Variants in CACNA1S observed in about 807,000 individuals in gnomAD.
CACNA1S encodes voltage-dependent L-type calcium channel subunit alpha-1S.
In CACNA1S, 126 loss-of-function variants were observed where a neutral mutation model predicts 207.4. The ratio of observed to expected loss-of-function variants is 0.61; its 90% confidence interval spans 0.53 to 0.70. The LOEUF (loss-of-function observed/expected upper bound fraction) is 0.70, where lower values mean the gene tolerates loss of function less well. CACNA1S is among the 30% of genes least tolerant of loss of function. CACNA1S has a pLI of 0.00. For synonymous variants in CACNA1S, 960 were observed against 932.7 expected (o/e 1.03, Z -0.53); for missense variants, 2,349 against 2,422.8 (o/e 0.97, Z 0.64).
At chr1:201,093,674 C>T (rs1408196425) in intron 3 of CACNA1S, among the ~76,000 whole-genome samples, 1 of 152,182 alleles carries the variant, frequency 6.6e-6, no homozygotes, top group Non-Finnish European at 1.5e-5. Flanking sequence ...GGAGATTTGA[C>T]CTGCGGGCAG....
Position 201,069,469 on chromosome 1 carries a change from C to T in CACNA1S, c.2490+3G>A. Reference sequence around the variant, plus strand: ...GAGTGGCAGAGAGGGTGAAGCCCGTCACCTGATTTCTCATGGAATCAGCCC... The same window carrying T: ...GAGTGGCAGAGAGGGTGAAGCCCGTTACCTGATTTCTCATGGAATCAGCCC... On this transcript the variant is annotated splice_donor_region_variant and intron_variant, in intron 18 of 43. Coordinates refer to ENST00000362061, the MANE Select transcript of CACNA1S (RefSeq NM_000069.3). 2 of 1,605,814 alleles carry T rather than the reference C, an allele frequency of 1.2e-6. No homozygotes were observed. The highest frequency in any genetic ancestry group is 1.1e-5 in the South Asian group (1 of 88,454).
chr1:201,044,893 T>C lies in CACNA1S; in HGVS notation c.4669-437A>G, dbSNP rs185083226. 4.9e-3 allele frequency among the ~76,000 whole-genome samples: 753 copies of C among 152,254 alleles called. 6 individuals are homozygous for C. The highest frequency in any genetic ancestry group is 0.017 in the African/African-American group (711 of 41,536). On this transcript the variant is annotated intron_variant, in intron 38 of 43. Transcript: ENST00000362061. Reference sequence around the variant, plus strand: ...CCAGCCTAGGCCCCACTCTCCCTCTTGGGTTATTGAATATCTCAGGTACCT... The same window carrying C: ...CCAGCCTAGGCCCCACTCTCCCTCTCGGGTTATTGAATATCTCAGGTACCT...
Position 201,060,659 on chromosome 1 carries a change from T to C in CACNA1S, c.3413A>G (p.Gln1138Arg), listed in dbSNP as rs184128317. 7 of 1,614,188 alleles carry C rather than the reference T, an allele frequency of 4.3e-6. No individual in the cohort carries two copies. In the East Asian group the frequency reaches 1.6e-4, roughly 36 times the overall value. ...ATTTTTCTCCTGGGGAGCCCTTACC[T>C]GCATGCCGAGGCAGATGGTGTTGAG... is the stretch of plus-strand genomic sequence containing the variant. Reference protein sequence around the residue: ...IMLNTICLGMQHYNQSEQMNH... With the variant: ...IMLNTICLGMRHYNQSEQMNH... The change falls in exon 26 of 44, where the codon CAG becomes CGG. Residue 1138 changes from glutamine (Q) to arginine (R), a missense_variant and splice_region_variant. Physicochemically the swap from Gln to Arg is conservative, Grantham distance 43. Transcript: ENST00000362061.
At position 201,053,331 on chromosome 1, in the gene CACNA1S, G is replaced by GC; in HGVS notation, c.3796-58dup. ...CTTAGGGCTCCACTGTGTGTCTGCA[G>GC]CCCTGCCCTCTGTTAGCTCCCCAGG... is the stretch of plus-strand genomic sequence containing the variant. On this transcript the variant is annotated intron_variant, in intron 30 of 43. Coordinates refer to ENST00000362061, the MANE Select transcript of CACNA1S (RefSeq NM_000069.3). The surrounding 1 kb of genome is among the most constrained non-coding windows in gnomAD (Gnocchi z 5.1). The GC allele has an allele frequency of 6.2e-7, 1 of 1,611,852 alleles. No homozygotes were observed.
At position 201,093,679 on chromosome 1, in the gene CACNA1S, G is replaced by A. The variant is rs149604527; in HGVS notation, c.398+203C>T. ...AGCAGGGGAAGGAGATTTGACCTGC[G>A]GGCAGGGTCGGGGGCAATGATCCAC... On this transcript the variant is annotated intron_variant, in intron 3 of 43. Coordinates refer to ENST00000362061, the MANE Select transcript of CACNA1S (RefSeq NM_000069.3). Among the ~76,000 whole-genome samples, 227 of 152,272 alleles carry A rather than the reference G, an allele frequency of 1.5e-3. 3 individuals are homozygous for A. The East Asian group carries it at 0.023, about 15-fold the overall frequency.
chr1:201,048,872 T>A (rs936995790), intron 35 of CACNA1S, 131 bp downstream of exon 35: 7 of 859,648 alleles, frequency 8.1e-6, no homozygotes, highest in African/African-American at 6.7e-5. Context: ...TCAGGCCCTT[T>A]GGGAGGAACT....
chr1:201,044,192 A>C, intron 39 of CACNA1S, 136 bp downstream of exon 39: 1 of 1,010,206 alleles, frequency 9.9e-7, no homozygotes, highest in Non-Finnish European at 1.5e-6. Flanking sequence ...GTGGGTGGTG[A>C]AGTGGAGAGA....
At chr1:201,048,766 C>T (rs780094190) in intron 35 of CACNA1S, 82 bp from the exon 36 acceptor site, 41 of 1,201,384 alleles carry the variant, frequency 3.4e-5, no homozygotes, top group Non-Finnish European at 4.4e-5. Context: ...GTCTGTGGAC[C>T]GGGAGGGGAC....
intron 26 of CACNA1S, among the ~76,000 whole-genome samples, chr1:201,059,511 C>T (rs1001950519): frequency 2.0e-5 from 3 of 152,234 alleles, no homozygotes; most frequent in Non-Finnish European, 4.4e-5. Flanking sequence ...TACCCCACCA[C>T]CACAAAAGAG....
At chr1:201,088,006 C>T (rs1662095294) in intron 6 of CACNA1S, 77 bp from the exon 7 acceptor site, 1 of 947,294 alleles carries the variant, frequency 1.1e-6, no homozygotes, top group Admixed American at 1.9e-5. Flanking sequence ...TAAGACTCCA[C>T]CCAACCCTGG....
At chr1:201,056,272 C>T (rs1355987046) in intron 28 of CACNA1S, among the ~76,000 whole-genome samples, 1 of 152,222 alleles carries the variant, frequency 6.6e-6, no homozygotes, top group Non-Finnish European at 1.5e-5. Context: ...AGCCAAGTCC[C>T]TACTCCCTGC....
intron 22 of CACNA1S, among the ~76,000 whole-genome samples, chr1:201,065,594 G>A (rs1228815091): frequency 6.6e-6 from 1 of 152,230 alleles, no homozygotes; most frequent in Non-Finnish European, 1.5e-5. Context: ...CTGTTTCTGA[G>A]ATTATCATTG....
intron 16 of CACNA1S, among the ~76,000 whole-genome samples, chr1:201,071,675 C>G (rs2102134351): frequency 6.6e-6 from 1 of 152,324 alleles, no homozygotes; most frequent in East Asian, 1.9e-4. Flanking sequence ...TCCCTGACCT[C>G]AGATTTCCTG....
At chr1:201,111,939 C>T (rs1307024581) in intron 1 of CACNA1S, among the ~76,000 whole-genome samples, 1 of 150,172 alleles carries the variant, frequency 6.7e-6, no homozygotes, top group African/African-American at 2.5e-5. Flanking sequence ...CCTCTTCCTC[C>T]TCCTCCCCCA....
At chr1:201,056,064 CAG>C (rs1447697525) in intron 28 of CACNA1S, among the ~76,000 whole-genome samples, 6 of 136,688 alleles carry the variant, frequency 4.4e-5, no homozygotes, top group African/African-American at 1.4e-4. Flanking sequence ...GACAGACAGA[CAG>C]ACAGACACAC....
At chr1:201,080,774 G>T (rs1661815611) in intron 10 of CACNA1S, among the ~76,000 whole-genome samples, 2 of 151,668 alleles carry the variant, frequency 1.3e-5, no homozygotes, top group Non-Finnish European at 1.5e-5. Flanking sequence ...TTTTAATTGT[G>T]ATCTCATCTT....
At chr1:201,100,479 G>A (rs1035975428) in intron 2 of CACNA1S, among the ~76,000 whole-genome samples, 4 of 152,178 alleles carry the variant, frequency 2.6e-5, no homozygotes, top group African/African-American at 4.8e-5. Flanking sequence ...TTAGCCCAAC[G>A]AACGCTCACC....
intron 2 of CACNA1S, among the ~76,000 whole-genome samples, chr1:201,094,865 T>C (rs1425673269): frequency 1.3e-5 from 2 of 152,108 alleles, no homozygotes; most frequent in Non-Finnish European, 2.9e-5. Context: ...CCTGATCCTC[T>C]GGGTTACCCT....
At position 201,061,365 on chromosome 1, in the gene CACNA1S, CA is replaced by C; in HGVS notation, c.3156del (p.Ile1052MetfsTer5). 6.2e-7 allele frequency: 1 copy of C among 1,614,192 alleles called. No individual in the cohort carries two copies. Among genetic ancestry groups the C allele is most frequent in the Non-Finnish European group, 8.5e-7 (1 of 1,180,024 alleles). ...AIFFIIYIIL[I>X]AFFMMNIFVG... ...ACAAAGATGTTCATCATGAAGAAGG[CA>C]ATGAGGATGATGTAGATGATGAAGA... On this transcript the variant is annotated frameshift_variant, in exon 25 of 44. Transcript: ENST00000362061. LOFTEE classifies it high-confidence loss of function.
Sources: allele counts gnomAD v4.1 joint callset (sites outside exome capture counted in the v4.1 genomes callset), GRCh38; gene constraint gnomAD v4.1.1; non-coding constraint Gnocchi (gnomAD v3.1); transcripts MANE v1.5; gene names NCBI Gene and HGNC (gene_info 2026-07-23, HGNC 2026-07-21).